Variants in KCTD2 observed in about 807,000 individuals in gnomAD.
KCTD2 encodes the protein BTB/POZ domain-containing protein KCTD2.
A neutral mutation model predicts 27.9 loss-of-function variants in KCTD2; 18 were observed. The ratio of observed to expected loss-of-function variants is 0.64; its 90% CI spans 0.45 to 0.96. The LOEUF (loss-of-function observed/expected upper bound fraction) is 0.96, where lower values mean the gene tolerates loss of function less well. Ranked by LOEUF, KCTD2 falls within the 40% of genes least tolerant of loss-of-function variation. The probability of loss-of-function intolerance (pLI) is 0.00; values close to 1 mark genes in which losing one functional copy is unlikely to be tolerated. For synonymous variants in KCTD2, 175 were observed against 148.4 expected (o/e 1.18, Z -1.30); for missense variants, 280 against 348.0 (o/e 0.80, Z 1.56).
rs565816750 is a variant in KCTD2, at chr17:75,035,230, A to T, written c.-384-2A>T. The T allele has an allele frequency of 1.3e-5, 2 of 152,176 alleles. No individual in the cohort carries two copies. Among genetic ancestry groups the T allele is most frequent in the East Asian group, 1.9e-4 (1 of 5,132 alleles). The allele number at this position is 152,176 out of a possible 1,614,324, so 9.4% of individuals were successfully genotyped here. ...ACTATAATCTTCCCTCCCTTGTTTTAGACCCAGAAACGCCTCCCAATCCCT... is the reference window on the plus strand; with the variant it reads ...ACTATAATCTTCCCTCCCTTGTTTTTGACCCAGAAACGCCTCCCAATCCCT... On this transcript the variant is annotated splice_acceptor_variant, in intron 2 of 7. Transcript: ENST00000581589. LOFTEE classifies it low-confidence loss of function (5UTR_SPLICE).
chr17:75,050,806 A>C (rs1376598028), intron 2 of KCTD2, among the ~76,000 whole-genome samples: 1 of 152,002 alleles, frequency 6.6e-6, no homozygotes, highest in Non-Finnish European at 1.5e-5. Flanking sequence ...ACCAATTTTC[A>C]ATGTTATTTT....
chr17:75,034,446 T>TA (rs2040094270), intron 2 of KCTD2, among the ~76,000 whole-genome samples: 1 of 152,164 alleles, frequency 6.6e-6, no homozygotes. Flanking sequence ...CAGGTGGGAC[T>TA]CGAACCCACA....
In KCTD2 at chr17:75,047,330, C is replaced by A; in HGVS notation, c.80C>A (p.Pro27Gln). ...AGTGGGGTGGGCGACGGGGGTGGCC[C>A]AGTCCGCGGGCCCCCCAGCCCACGC... Reference protein sequence around the residue: ...GGSGVGDGGGPVRGPPSPRPA... With the variant: ...GGSGVGDGGGQVRGPPSPRPA... Residue 27 changes from proline (P) to glutamine (Q), a missense_variant, in exon 1 of 6, where the codon CCA (proline) becomes CAA (glutamine). Pro to Gln is a moderately conservative substitution (Grantham distance 76, BLOSUM62 -1). Coordinates refer to ENST00000322444, the MANE Select transcript of KCTD2 (RefSeq NM_015353.3). 6 of 1,159,974 alleles carry A rather than the reference C, an allele frequency of 5.2e-6. No homozygotes were observed. Among genetic ancestry groups the A allele is most frequent in the Non-Finnish European group, 6.4e-6 (6 of 941,874 alleles). 71.9% of individuals were successfully genotyped at this position (1,159,974 alleles called of 1,614,324 possible).
intron 4 of KCTD2, among the ~76,000 whole-genome samples, 154 bp from the exon 5 acceptor site, chr17:75,061,966 T>C (rs1368776898): frequency 6.6e-6 from 1 of 152,096 alleles, no homozygotes; most frequent in Non-Finnish European, 1.5e-5. Flanking sequence ...GGCCCATTTC[T>C]CCCCGGGGGC....
At chr17:75,036,863 C>T (rs893923130) in intron 3 of KCTD2, among the ~76,000 whole-genome samples, 1 of 152,126 alleles carries the variant, frequency 6.6e-6, no homozygotes, top group Non-Finnish European at 1.5e-5. Flanking sequence ...CATCTCTGCC[C>T]AGTCTTCTTG....
intron 4 of KCTD2, among the ~76,000 whole-genome samples, chr17:75,060,030 C>T (rs2073387859): frequency 1.3e-5 from 2 of 152,090 alleles, no homozygotes; most frequent in Non-Finnish European, 2.9e-5. Flanking sequence ...TGGTGAACAG[C>T]TGTGCTAGGA....
chr17:75,052,891 C>T lies in KCTD2; in HGVS notation c.449-123C>T, dbSNP rs538915173. On this transcript the variant is annotated intron_variant, in intron 2 of 5. Transcript: ENST00000322444. Reference sequence around the variant, plus strand: ...CCTGGGCGACAGAGTAAGACTCCGTCTCAAAAAATAAGTAAATAAATAAAT... The same window carrying T: ...CCTGGGCGACAGAGTAAGACTCCGTTTCAAAAAATAAGTAAATAAATAAAT... 7.9e-6 allele frequency: 6 copies of T among 760,496 alleles called. No individual in the cohort carries two copies. The East Asian group carries it at 8.1e-5, about 10-fold the overall frequency. The allele number at this position is 760,496 out of a possible 1,614,324, so 47.1% of individuals were successfully genotyped here.
intron 3 of KCTD2, chr17:75,039,680 T>G: frequency 3.7e-6 from 1 of 266,900 alleles, no homozygotes; most frequent in South Asian, 5.8e-5. Context: ...ACTACTTGGG[T>G]AATTTTTCTA....
At chr17:75,058,064 C>G (rs1331137302) in intron 3 of KCTD2, among the ~76,000 whole-genome samples, 1 of 152,066 alleles carries the variant, frequency 6.6e-6, no homozygotes, top group Non-Finnish European at 1.5e-5. Context: ...TGGCTCATGC[C>G]TGTAATCCCA....
intron 2 of KCTD2, among the ~76,000 whole-genome samples, chr17:75,050,883 G>T (rs1280701057): frequency 6.6e-6 from 1 of 151,520 alleles, no homozygotes; most frequent in Non-Finnish European, 1.5e-5. Flanking sequence ...ATCTTATCTT[G>T]CCCAGGCTGG....
At chr17:75,047,068 A>C (rs2144921526), upstream of KCTD2, 1 of 271,030 alleles carries the variant, frequency 3.7e-6, no homozygotes, top group South Asian at 1.7e-4. Flanking sequence ...CTGGTTCCGG[A>C]AGTATCTTCC....
Position 75,064,578 on chromosome 17 carries a change from C to T in KCTD2, c.*1531C>T, listed in dbSNP as rs1439222736. On this transcript the variant is annotated 3_prime_UTR_variant, in exon 6 of 6. Transcript: ENST00000322444. ...CATGCCCAGATGGCATAACTTTTCC[C>T]TAGGACCCTCAGTCTCCTTGTTTCT... 1 of 152,166 alleles carries T rather than the reference C, an allele frequency of 6.6e-6. No individual in the cohort carries two copies. Among genetic ancestry groups the T allele is most frequent in the Non-Finnish European group, 1.5e-5 (1 of 68,014 alleles). The allele number at this position is 152,166 out of a possible 1,614,324, so 9.4% of individuals were successfully genotyped here. A position where few individuals can be genotyped will look rare whatever the true frequency, so the allele number is the denominator to read the frequency against.
chr17:75,059,583 C>T lies in KCTD2; in HGVS notation c.614C>T (p.Ser205Phe). ...EELTQMVSTM[S>F]DGWKFEQLIS... ...CTCACGCAGATGGTGTCCACGATGTCCGACGGCTGGAAATTCGAACAGGTA... is the reference window on the plus strand; with the variant it reads ...CTCACGCAGATGGTGTCCACGATGTTCGACGGCTGGAAATTCGAACAGGTA... Residue 205 changes from serine to phenylalanine, a missense_variant, in exon 4 of 6, where the codon TCC (serine) becomes TTC (phenylalanine). Physicochemically the swap from Ser to Phe is radical, Grantham distance 155 (BLOSUM62 -2). Transcript: ENST00000322444. The T allele has an allele frequency of 6.2e-7, 1 of 1,614,056 alleles. No individual in the cohort carries two copies.
upstream of KCTD2, among the ~76,000 whole-genome samples, chr17:75,046,587 G>A (rs2307008): frequency 0.27 from 41,045 of 152,124 alleles, 8,432 homozygotes; most frequent in East Asian, 0.57. Flanking sequence ...TCCCTCGGCA[G>A]GTTAACACTG....
upstream of KCTD2, chr17:75,042,581 G>T: frequency 6.2e-7 from 1 of 1,613,026 alleles, no homozygotes; most frequent in East Asian, 2.2e-5. Context: ...ATGGCCTTTT[G>T]GTTCTGGGGT....
rs757718075 is a variant in KCTD2, at chr17:75,049,342, T to C, written c.448+14T>C. On this transcript the variant is annotated intron_variant, in intron 2 of 5. Transcript: ENST00000322444. ...TGGCAGAAGAAGGTAAGCGCACTGT[T>C]TGCATTGGGGATTTTCAAAATGCAA... 1 of 1,438,826 alleles carries C rather than the reference T, an allele frequency of 7.0e-7. No homozygotes were observed. Among genetic ancestry groups the C allele is most frequent in the Non-Finnish European group, 9.7e-7 (1 of 1,028,252 alleles). 89.1% of individuals were successfully genotyped at this position (1,438,826 alleles called of 1,614,324 possible). A position where few individuals can be genotyped will look rare whatever the true frequency, so the allele number is the denominator to read the frequency against.
chr17:75,060,431 C>G (rs1041427077), intron 4 of KCTD2: 9 of 1,597,254 alleles, frequency 5.6e-6, no homozygotes, highest in Non-Finnish European at 7.7e-6. Context: ...TTCAAAAAGC[C>G]AAAAAAGTCC....
At chr17:75,060,360 T>G in intron 4 of KCTD2, 1 of 1,344,894 alleles carries the variant, frequency 7.4e-7, no homozygotes. Flanking sequence ...AATGTAGTCC[T>G]TGATATTTCT....
chr17:75,034,464 G>C (rs561148855), intron 2 of KCTD2, among the ~76,000 whole-genome samples: 2 of 152,332 alleles, frequency 1.3e-5, no homozygotes, highest in Non-Finnish European at 2.9e-5. Context: ...ACAATCCCTG[G>C]CTTAGGAGGC....
Sources: gnomAD v4.1 joint callset for allele counts (sites outside exome capture counted in the v4.1 genomes callset) on GRCh38, gnomAD v4.1.1 for gene constraint, MANE v1.5 for transcripts, NCBI Gene and HGNC (gene_info 2026-07-23, HGNC 2026-07-21) for gene names.